NEDD4: variants seen among roughly 807,000 people sequenced by gnomAD.
NEDD4 encodes E3 ubiquitin-protein ligase NEDD4.
A neutral mutation model predicts 144.9 loss-of-function variants in NEDD4; 99 were observed. That is an observed-to-expected ratio of 0.68 (90% CI 0.58 to 0.81). The LOEUF is 0.81. Ranked by LOEUF, NEDD4 falls within the 30% of genes least tolerant of loss-of-function variation. The probability of loss-of-function intolerance (pLI) is 0.00; values close to 1 mark genes in which losing one functional copy is unlikely to be tolerated. For synonymous variants in NEDD4, 318 were observed against 350.6 expected (o/e 0.91, Z 1.04); for missense variants, 985 against 1,065.9 (o/e 0.92, Z 1.06).
chr15:55,965,653 GGTAT>G (rs71110357), intron 2 of NEDD4, among the ~76,000 whole-genome samples: 4,480 of 150,162 alleles, frequency 0.03, 70 homozygotes, highest in Non-Finnish European at 0.038. Flanking sequence ...AATACTATTT[GGTAT>G]GTATGTATGT....
At chr15:55,991,129 CCT>C (rs1162650353) in intron 1 of NEDD4, among the ~76,000 whole-genome samples, 2 of 152,096 alleles carry the variant, frequency 1.3e-5, no homozygotes, top group African/African-American at 4.8e-5. Flanking sequence ...TATTTTTCTC[CCT>C]GTTTTAGTTT....
At chr15:55,869,110 C>T (rs2034685130) in intron 8 of NEDD4, among the ~76,000 whole-genome samples, 1 of 152,134 alleles carries the variant, frequency 6.6e-6, no homozygotes, top group Non-Finnish European at 1.5e-5. Context: ...ATTCTACTTG[C>T]CCCACATACA....
chr15:55,984,748 T>C (rs2037862557), intron 1 of NEDD4, among the ~76,000 whole-genome samples: 1 of 152,204 alleles, frequency 6.6e-6, no homozygotes, highest in Admixed American at 6.5e-5. Flanking sequence ...TCCAGACTTC[T>C]CCTATCCCCT....
At position 55,848,825 on chromosome 15, in the gene NEDD4, T is replaced by A. The variant is rs774863320; in HGVS notation, c.1409A>T (p.Asn470Ile). 3.1e-6 allele frequency: 5 copies of A among 1,613,716 alleles called. No individual in the cohort carries two copies. The Middle Eastern group carries it at 5.0e-4, about 160-fold the overall frequency. ...ACTTACAGGTAAAGGCCCTAGATCATTGGAAGTATCAAGTGATGTCTTTCC... is the reference window on the plus strand; with the variant it reads ...ACTTACAGGTAAAGGCCCTAGATCAATGGAAGTATCAAGTGATGTCTTTCC... ...LRGKTSLDTS[N>I]DLGPLPPGWE... Residue 470 changes from asparagine (N) to isoleucine (I), a missense_variant, in exon 15 of 29, where the codon AAT becomes ATT. Transcript: ENST00000435532.
intron 5 of NEDD4, among the ~76,000 whole-genome samples, chr15:55,901,433 T>C (rs2035911801): frequency 6.6e-6 from 1 of 152,322 alleles, no homozygotes; most frequent in Non-Finnish European, 1.5e-5. Flanking sequence ...ATTTGCTGTA[T>C]AATTCTTATT....
At chr15:55,946,334 CA>C (rs1411765706) in intron 4 of NEDD4, among the ~76,000 whole-genome samples, 18 of 151,646 alleles carry the variant, frequency 1.2e-4, no homozygotes, top group Admixed American at 2.6e-4. Context: ...AAATGGAAAA[CA>C]AAAAAAGCAG....
chr15:55,866,525 A>C (rs2034594557), intron 8 of NEDD4, among the ~76,000 whole-genome samples: 1 of 152,148 alleles, frequency 6.6e-6, no homozygotes, highest in Non-Finnish European at 1.5e-5. Context: ...TTTTGGTTGA[A>C]TATAACCATT....
chr15:55,862,396 A>C (rs1202162523), intron 9 of NEDD4, among the ~76,000 whole-genome samples: 4 of 152,158 alleles, frequency 2.6e-5, no homozygotes, highest in Non-Finnish European at 5.9e-5. Context: ...GAGGAGACAG[A>C]AGTTAGAATA....
At chr15:55,924,325 T>G in intron 5 of NEDD4, 2 of 231,032 alleles carry the variant, frequency 8.7e-6, no homozygotes, top group Non-Finnish European at 8.6e-6. Flanking sequence ...AGCCATGGAG[T>G]AGGAACCAGG....
chr15:55,840,691 T>A lies in NEDD4; in HGVS notation c.1875A>T (p.Gly625=), dbSNP rs199512355. 116 of 1,613,876 alleles carry A rather than the reference T, an allele frequency of 7.2e-5. No homozygotes were observed. Among genetic ancestry groups the A allele is most frequent in the Non-Finnish European group, 9.0e-5 (106 of 1,179,992 alleles). ...NYTLQINPNS[G]LCNEDHLSYF... ...AAGAGAGGTGATCTTCGTTACACAA[T>A]CCAGAGTTTGGATTTATCTGTAGGG... Residue 625 remains glycine (G), a synonymous_variant, in exon 20 of 29, where the codon GGA becomes GGT. Coordinates refer to ENST00000435532, the MANE Select transcript of NEDD4 (RefSeq NM_006154.4).
At chr15:55,856,268 G>A (rs1187062232) in intron 11 of NEDD4, 72 bp from the exon 12 acceptor site, 27 of 1,328,844 alleles carry the variant, frequency 2.0e-5, no homozygotes, top group Non-Finnish European at 1.1e-6. Flanking sequence ...AGCTAAGGTA[G>A]TGAGGGTAAA....
chr15:55,864,638 C>T (rs148365691), intron 8 of NEDD4, among the ~76,000 whole-genome samples: 1 of 149,110 alleles, frequency 6.7e-6, no homozygotes. Context: ...GCCGAAATCA[C>T]GCCATTGCAC....
intron 6 of NEDD4, among the ~76,000 whole-genome samples, 173 bp downstream of exon 6, chr15:55,873,785 G>C (rs2034892326): frequency 6.6e-6 from 1 of 152,096 alleles, no homozygotes; most frequent in Admixed American, 6.5e-5. Context: ...AAATCTTAAA[G>C]AGAAAATGGA....
chr15:55,898,847 G>A (rs1265795384), intron 5 of NEDD4, among the ~76,000 whole-genome samples: 1 of 151,940 alleles, frequency 6.6e-6, no homozygotes, highest in African/African-American at 2.4e-5. Context: ...TCACTCTGTT[G>A]CCCAGGCTGG....
At chr15:55,847,519 A>G (rs545799018) in intron 17 of NEDD4, among the ~76,000 whole-genome samples, 2 of 152,266 alleles carry the variant, frequency 1.3e-5, no homozygotes, top group South Asian at 4.1e-4. Flanking sequence ...TTAGAAAACA[A>G]AATCTGAATA....
Position 55,924,627 on chromosome 15 carries a change from T to C in NEDD4, c.291+19A>G, listed in dbSNP as rs1185501752. 1.3e-6 allele frequency: 2 copies of C among 1,598,596 alleles called. No homozygotes were observed. The highest frequency in any genetic ancestry group is 2.3e-5 in the South Asian group (2 of 88,530). The stretch of plus-strand genomic sequence containing the variant: ...ATGTACCCTTACTTCATATTTCATA[T>C]AAGCACAATATAACTTACCAATCGG... On this transcript the variant is annotated intron_variant, in intron 5 of 28. Transcript: ENST00000435532.
intron 1 of NEDD4, among the ~76,000 whole-genome samples, chr15:55,991,125 T>A (rs2037983133): frequency 6.6e-6 from 1 of 152,250 alleles, no homozygotes; most frequent in African/African-American, 2.4e-5. Context: ...AAATTATTTT[T>A]CTCCCTGTTT....
chr15:55,841,745 G>C (rs1344699286), intron 19 of NEDD4, among the ~76,000 whole-genome samples, 189 bp downstream of exon 19: 4 of 152,080 alleles, frequency 2.6e-5, no homozygotes, highest in African/African-American at 9.7e-5. Flanking sequence ...GTAAGTTTTT[G>C]TATTTTTAGT....
At chr15:55,937,408 C>T (rs1212087194) in intron 4 of NEDD4, among the ~76,000 whole-genome samples, 1 of 152,150 alleles carries the variant, frequency 6.6e-6, no homozygotes, top group African/African-American at 2.4e-5. Context: ...GAAGATATTT[C>T]ACCGTATGTT....
Sources: allele counts gnomAD v4.1 joint callset (sites outside exome capture counted in the v4.1 genomes callset), GRCh38; gene constraint gnomAD v4.1.1; transcripts MANE v1.5; gene names NCBI Gene and HGNC (gene_info 2026-07-23, HGNC 2026-07-21).